DAB1: variants seen among roughly 807,000 people sequenced by gnomAD.
DAB1 encodes the protein disabled homolog 1.
DAB1 carries 15 observed loss-of-function variants against 64.6 expected under a neutral mutation model. The observed-to-expected ratio is 0.23, with a 90% CI of 0.16 to 0.36. The LOEUF is 0.36. Ranked by LOEUF, DAB1 falls within the 10% of genes least tolerant of loss-of-function variation. DAB1 has a pLI of 1.00. For missense variants in DAB1, 596 were observed against 706.7 expected, an observed-to-expected ratio of 0.84 and a Z score of 1.78; for synonymous variants, 235 against 251.9, an observed-to-expected ratio of 0.93 and a Z score of 0.64.
intron 4 of DAB1, among the ~76,000 whole-genome samples, chr1:57,072,727 T>C (rs1011108380): frequency 6.6e-6 from 1 of 152,222 alleles, no homozygotes; most frequent in Non-Finnish European, 1.5e-5. Context: ...TTGATCGTTT[T>C]ACATGACACA....
chr1:57,872,973 G>C (rs1411248080), intron 1 of DAB1, among the ~76,000 whole-genome samples: 3 of 152,062 alleles, frequency 2.0e-5, no homozygotes, highest in Non-Finnish European at 4.4e-5. Context: ...GGACTGGATG[G>C]TTAGAGAACA....
At chr1:57,529,882 T>C (rs1251614604) in intron 7 of DAB1, among the ~76,000 whole-genome samples, 1 of 152,152 alleles carries the variant, frequency 6.6e-6, no homozygotes, top group East Asian at 1.9e-4. Flanking sequence ...CTAGCTTCAT[T>C]TACCCATGTC....
intron 2 of DAB1, among the ~76,000 whole-genome samples, chr1:57,210,094 AT>A (rs1476812456): frequency 6.6e-6 from 1 of 152,212 alleles, no homozygotes; most frequent in South Asian, 2.1e-4. Flanking sequence ...TATTATGACA[AT>A]TAAATGGGAA....
At chr1:57,810,908 T>C (rs1217605269) in intron 6 of DAB1, among the ~76,000 whole-genome samples, 1 of 152,214 alleles carries the variant, frequency 6.6e-6, no homozygotes, top group Non-Finnish European at 1.5e-5. Flanking sequence ...GCTAAAATCA[T>C]GGTGTTAGTA....
chr1:57,692,345 G>A (rs913987044), intron 6 of DAB1, among the ~76,000 whole-genome samples: 1 of 152,052 alleles, frequency 6.6e-6, no homozygotes, highest in Non-Finnish European at 1.5e-5. Context: ...AGCAGCATAA[G>A]TGGCTGGCAG....
At chr1:57,372,655 T>G (rs1477314031) in intron 1 of DAB1, among the ~76,000 whole-genome samples, 1 of 145,050 alleles carries the variant, frequency 6.9e-6, no homozygotes, top group East Asian at 1.9e-4. Flanking sequence ...TAAGCTCCTG[T>G]TTTTTTTTCT....
intron 1 of DAB1, among the ~76,000 whole-genome samples, chr1:57,407,025 C>G (rs1015766477): frequency 6.6e-6 from 1 of 152,198 alleles, no homozygotes; most frequent in Admixed American, 6.5e-5. Context: ...GATTAATAAA[C>G]TTTCCCTAAG....
At chr1:58,366,704 G>A (rs920936930) in intron 3 of DAB1, among the ~76,000 whole-genome samples, 6 of 152,196 alleles carry the variant, frequency 3.9e-5, no homozygotes, top group Admixed American at 6.6e-5. Context: ...AGGAGATGCA[G>A]CAAAAATACA....
At chr1:57,186,641 C>T (rs1439364218) in intron 2 of DAB1, among the ~76,000 whole-genome samples, 1 of 152,154 alleles carries the variant, frequency 6.6e-6, no homozygotes, top group African/African-American at 2.4e-5. Context: ...AAGGCCAAAA[C>T]CTGAAATGCA....
At chr1:58,229,612 C>T (rs372232457) in intron 4 of DAB1, among the ~76,000 whole-genome samples, 1 of 151,994 alleles carries the variant, frequency 6.6e-6, no homozygotes, top group African/African-American at 2.4e-5. Flanking sequence ...GAAGTTAGTA[C>T]TAAATTCTAA....
At chr1:58,375,981 C>T (rs4347233) in intron 3 of DAB1, among the ~76,000 whole-genome samples, 32,896 of 147,378 alleles carry the variant, frequency 0.22, 3,848 homozygotes, top group South Asian at 0.27. Context: ...GAGGTGTTTG[C>T]AGTATTCTCT....
intron 7 of DAB1, among the ~76,000 whole-genome samples, chr1:57,513,333 C>T (rs1476611919): frequency 6.6e-6 from 1 of 152,214 alleles, no homozygotes; most frequent in East Asian, 1.9e-4. Context: ...TCAAGTCCTA[C>T]TCAGATGTCA....
At chr1:57,578,460 C>T (rs1570644202) in intron 7 of DAB1, among the ~76,000 whole-genome samples, 1 of 152,202 alleles carries the variant, frequency 6.6e-6, no homozygotes, top group African/African-American at 2.4e-5. Flanking sequence ...GCTTACTGCA[C>T]AGGGCACTGA....
chr1:58,385,943 G>A (rs181994822), intron 3 of DAB1, among the ~76,000 whole-genome samples: 143 of 152,312 alleles, frequency 9.4e-4, no homozygotes, highest in African/African-American at 3.4e-3. Context: ...AGATCTGACT[G>A]AGGAAAGACT....
At chr1:57,563,142 G>A (rs1172807132) in intron 7 of DAB1, among the ~76,000 whole-genome samples, 2 of 152,124 alleles carry the variant, frequency 1.3e-5, no homozygotes, top group African/African-American at 2.4e-5. Context: ...TTTGCTGAAG[G>A]CAAAGGGAAT....
At chr1:58,204,029 G>C (rs1024691196) in intron 4 of DAB1, among the ~76,000 whole-genome samples, 1 of 152,118 alleles carries the variant, frequency 6.6e-6, no homozygotes, top group African/African-American at 2.4e-5. Context: ...ACTGAACTAA[G>C]GACTTAAGAC....
chr1:57,823,503 G>A (rs1304843387), downstream of DAB1, among the ~76,000 whole-genome samples: 1 of 152,054 alleles, frequency 6.6e-6, no homozygotes, highest in East Asian at 1.9e-4. Flanking sequence ...TTATGCATCT[G>A]TGGAGTACAG....
chr1:58,406,426 G>T (rs1018766501), intron 3 of DAB1, among the ~76,000 whole-genome samples: 17 of 152,256 alleles, frequency 1.1e-4, no homozygotes, highest in African/African-American at 4.1e-4. Flanking sequence ...GAAGTCCCTG[G>T]AAGGCAGTCC....
intron 3 of DAB1, among the ~76,000 whole-genome samples, chr1:58,361,923 G>C (rs1346695675): frequency 1.5e-5 from 2 of 136,174 alleles, no homozygotes; most frequent in Non-Finnish European, 3.0e-5. Flanking sequence ...AGGCTGGAGT[G>C]CAGCAGTGTG....
Sources: gnomAD v4.1 joint callset for allele counts (sites outside exome capture counted in the v4.1 genomes callset) on GRCh38, gnomAD v4.1.1 for gene constraint, MANE v1.5 for transcripts, NCBI Gene and HGNC (gene_info 2026-07-23, HGNC 2026-07-21) for gene names.